The following FREM2 variants were observed in gnomAD, a reference collection of about 807,000 sequenced individuals.
FREM2 encodes the protein FRAS1 related extracellular matrix 2, also known as FRAS1-related extracellular matrix protein 2.
A neutral mutation model predicts 219.9 loss-of-function variants in FREM2; 119 were observed. The observed-to-expected ratio is 0.54, with a 90% CI of 0.47 to 0.63. The LOEUF (loss-of-function observed/expected upper bound fraction) is 0.63. Ranked by LOEUF, FREM2 falls within the 30% of genes least tolerant of loss-of-function variation. The pLI is 0.00. For missense variants in FREM2, 4,030 were observed against 3,993.6 expected, an observed-to-expected ratio of 1.01 and a Z score of -0.25; for synonymous variants, 1,562 against 1,522.8, an observed-to-expected ratio of 1.03 and a Z score of -0.60.
intron 4 of FREM2, among the ~76,000 whole-genome samples, chr13:38,782,058 C>G (rs965322592): frequency 1.3e-5 from 2 of 152,190 alleles, no homozygotes; most frequent in Non-Finnish European, 2.9e-5. Flanking sequence ...AAACATTAGG[C>G]GTGGTTCCCA....
chr13:38,880,494 A>G lies in FREM2; in HGVS notation c.9217A>G (p.Thr3073Ala). ...WEIGAENSRG[T>A]NIQHIALDRT... ...GATTGGTGCTGAAAACAGTCGAGGA[A>G]CAAACATCCAGCACATTGCCCTGGA... Residue 3073 changes from threonine (T) to alanine (A), a missense_variant, in exon 24 of 24, where the codon ACA becomes GCA. Thr to Ala is a moderately conservative substitution (Grantham distance 58, BLOSUM62 0). Transcript: ENST00000280481. 6.2e-7 allele frequency: 1 copy of G among 1,614,130 alleles called. No homozygotes were observed. The highest frequency in any genetic ancestry group is 8.5e-7 in the Non-Finnish European group (1 of 1,180,016).
intron 2 of FREM2, among the ~76,000 whole-genome samples, chr13:38,747,104 T>C (rs1872515202): frequency 6.6e-6 from 1 of 152,132 alleles, no homozygotes; most frequent in Admixed American, 6.5e-5. Flanking sequence ...TCCCAATCCC[T>C]ACCTACCTTG....
chr13:38,796,428 T>C (rs9603425), intron 6 of FREM2, among the ~76,000 whole-genome samples: 35,477 of 152,014 alleles, frequency 0.23, 4,598 homozygotes, highest in African/African-American at 0.35. Context: ...TCATGAGATA[T>C]TCTTTATATT....
chr13:38,811,188 A>T (rs553822431), intron 6 of FREM2, among the ~76,000 whole-genome samples: 4 of 151,726 alleles, frequency 2.6e-5, no homozygotes, highest in African/African-American at 9.7e-5. Context: ...GATTTTATTT[A>T]TTTGGATCTT....
intron 6 of FREM2, among the ~76,000 whole-genome samples, chr13:38,814,880 C>A (rs1466512368): frequency 6.6e-6 from 1 of 152,198 alleles, no homozygotes; most frequent in East Asian, 1.9e-4. Context: ...TACTAGGCCA[C>A]CACCAATGTT....
intron 11 of FREM2, 21 bp from the exon 12 acceptor site, chr13:38,856,105 T>A: frequency 6.5e-7 from 1 of 1,548,688 alleles, no homozygotes. Context: ...ATGATTTAAA[T>A]CTGTGATGTT....
At chr13:38,811,975 C>T (rs1875496242) in intron 6 of FREM2, among the ~76,000 whole-genome samples, 1 of 152,194 alleles carries the variant, frequency 6.6e-6, no homozygotes, top group African/African-American at 2.4e-5. Flanking sequence ...CTGTGTGCTC[C>T]AGTGTTGGGT....
chr13:38,704,543 A>G (rs1422120259), intron 2 of FREM2, among the ~76,000 whole-genome samples: 1 of 152,188 alleles, frequency 6.6e-6, no homozygotes, highest in Admixed American at 6.5e-5. Context: ...GTCACCAGAA[A>G]AGCACCAGCA....
chr13:38,878,057 G>A, intron 21 of FREM2, 77 bp from the exon 22 acceptor site: 1 of 1,225,772 alleles, frequency 8.2e-7, no homozygotes, highest in Admixed American at 1.7e-5. Context: ...TGTCCTCATT[G>A]TCATAACCTG....
chr13:38,841,932 A>G (rs1302186928), intron 6 of FREM2, among the ~76,000 whole-genome samples: 1 of 152,346 alleles, frequency 6.6e-6, no homozygotes, highest in Non-Finnish European at 1.5e-5. Flanking sequence ...ACAATGGGGG[A>G]CATACGCACA....
chr13:38,823,754 C>T (rs1477427656), intron 6 of FREM2, among the ~76,000 whole-genome samples: 4 of 151,964 alleles, frequency 2.6e-5, no homozygotes, highest in African/African-American at 9.7e-5. Flanking sequence ...TCATCTTATT[C>T]TTCCTTTAAG....
At chr13:38,834,932 T>C (rs1876651813) in intron 6 of FREM2, among the ~76,000 whole-genome samples, 1 of 152,252 alleles carries the variant, frequency 6.6e-6, no homozygotes, top group Non-Finnish European at 1.5e-5. Flanking sequence ...TCTTTTGCTG[T>C]GCAGAAGCTC....
At position 38,866,177 on chromosome 13, in the gene FREM2, T is replaced by C. The variant is rs142000347; in HGVS notation, c.7983+1571T>C. On this transcript the variant is annotated intron_variant, in intron 16 of 23. Transcript: ENST00000280481. ...AATTGGATATAGAAATAGGATTATGTTGTAGTTCTCATTCCTTGTTAAAAT... is the reference window on the plus strand; with the variant it reads ...AATTGGATATAGAAATAGGATTATGCTGTAGTTCTCATTCCTTGTTAAAAT... Among the ~76,000 whole-genome samples the C allele has an allele frequency of 6.0e-3, 908 of 152,226 alleles. 8 individuals are homozygous for C. Among genetic ancestry groups the C allele is most frequent in the Middle Eastern group, 0.041 (12 of 294 alleles).
At chr13:38,852,792 T>C (rs893028951) in intron 11 of FREM2, among the ~76,000 whole-genome samples, 1 of 150,586 alleles carries the variant, frequency 6.6e-6, no homozygotes, top group Non-Finnish European at 1.5e-5. Context: ...GCAGTCTCCG[T>C]GTCTTAGGTT....
At chr13:38,710,633 C>A (rs1413612044) in intron 2 of FREM2, among the ~76,000 whole-genome samples, 1 of 152,224 alleles carries the variant, frequency 6.6e-6, no homozygotes, top group Non-Finnish European at 1.5e-5. Context: ...TATGTCTCTT[C>A]TTCAGTGCTG....
At position 38,712,695 on chromosome 13, in the gene FREM2, TAC is replaced by T. The variant is rs539707234; in HGVS notation, c.5263+14916_5263+14917del. Among the ~76,000 whole-genome samples the T allele has an allele frequency of 1.9e-3, 289 of 149,848 alleles. 1 individual carries two copies. The highest frequency in any genetic ancestry group is 6.1e-3 in the African/African-American group (247 of 40,446). On this transcript the variant is annotated intron_variant, in intron 2 of 23. Transcript: ENST00000280481. ...ACACACAAACACACACACACACAAGTACACACACAGACTTTTCCTGTGAGATT... is the reference window on the plus strand; with the variant it reads ...ACACACAAACACACACACACACAAGTACACACAGACTTTTCCTGTGAGATT...
chr13:38,835,428 C>T (rs150599741), intron 6 of FREM2, among the ~76,000 whole-genome samples: 1,563 of 151,934 alleles, frequency 0.01, 23 homozygotes, highest in African/African-American at 0.035. Context: ...CTTGGCTATA[C>T]GGGCTTTTTT....
At chr13:38,782,972 G>A in intron 4 of FREM2, 98 bp from the exon 5 acceptor site, 1 of 1,425,674 alleles carries the variant, frequency 7.0e-7, no homozygotes, top group Non-Finnish European at 9.9e-7. Context: ...ATTCAAGGGG[G>A]AAAAATCAAT....
chr13:38,696,810 C>CTT (rs71694503), intron 1 of FREM2, among the ~76,000 whole-genome samples: 308 of 143,674 alleles, frequency 2.1e-3, no homozygotes, highest in South Asian at 0.016. Flanking sequence ...AAGGTTTCCA[C>CTT]TTTTTTTTTT....
Sources: allele counts gnomAD v4.1 joint callset (sites outside exome capture counted in the v4.1 genomes callset), GRCh38; gene constraint gnomAD v4.1.1; transcripts MANE v1.5; gene names NCBI Gene and HGNC (gene_info 2026-07-23, HGNC 2026-07-21).